The following ACO1 variants were observed in gnomAD, a reference collection of about 807,000 sequenced individuals.
ACO1 encodes the protein aconitase 1.
Under a neutral mutation model 105.1 loss-of-function variants are expected in ACO1, and 78 were observed. The ratio of observed to expected loss-of-function variants is 0.74; its 90% CI spans 0.62 to 0.90. The LOEUF (loss-of-function observed/expected upper bound fraction) is 0.90, where lower values mean the gene tolerates loss of function less well. ACO1 is among the 40% of genes least tolerant of loss of function. The probability of loss-of-function intolerance (pLI) is 0.00; values close to 1 mark genes in which losing one functional copy is unlikely to be tolerated. For missense variants in ACO1, 965 were observed against 1,111.1 expected (o/e 0.87, Z 1.87); for synonymous variants, 364 against 397.4 (o/e 0.92, Z 1.00).
At chr9:32,444,216 A>G (rs981122122) in intron 19 of ACO1, among the ~76,000 whole-genome samples, 1 of 152,168 alleles carries the variant, frequency 6.6e-6, no homozygotes, top group African/African-American at 2.4e-5. Context: ...AATCCAGTCT[A>G]TCAATCATTG....
rs61752944 is a variant in ACO1, at chr9:32,433,805, C to A, written c.1929C>A (p.Ile643=). The stretch of plus-strand genomic sequence containing the variant: ...TCTGGAATTCCAAATCTACGTATAT[C>A]AAATCACCACCATTCTTTGAAAACC... ...LFFWNSKSTY[I]KSPPFFENLT... Residue 643 remains isoleucine, a synonymous_variant, in exon 16 of 21, where the codon ATC becomes ATA. Transcript: ENST00000309951. 1.3e-3 allele frequency: 2,078 copies of A among 1,611,212 alleles called. 4 individuals are homozygous for A. The highest frequency in any genetic ancestry group is 1.7e-3 in the Non-Finnish European group (1,967 of 1,179,204).
At chr9:32,446,063 G>A (rs796216172) in intron 19 of ACO1, among the ~76,000 whole-genome samples, 46 of 152,316 alleles carry the variant, frequency 3.0e-4, no homozygotes, top group African/African-American at 1.0e-3. Flanking sequence ...GTGCAGTGTG[G>A]TGCTGAGAAG....
chr9:32,397,508 A>G (rs1429535182), intron 1 of ACO1, among the ~76,000 whole-genome samples: 1 of 152,242 alleles, frequency 6.6e-6, no homozygotes, highest in Non-Finnish European at 1.5e-5. Flanking sequence ...ATTGCTGGCC[A>G]TGATGATTCT....
intron 17 of ACO1, among the ~76,000 whole-genome samples, chr9:32,435,716 T>G (rs1473698509): frequency 6.6e-6 from 1 of 152,196 alleles, no homozygotes; most frequent in African/African-American, 2.4e-5. Context: ...TCGATTTTTC[T>G]CTCATGAAAG....
At position 32,431,300 on chromosome 9, in the gene ACO1, T is replaced by G. The variant is rs573922235; in HGVS notation, c.1727-419T>G. Among the ~76,000 whole-genome samples the G allele has an allele frequency of 1.7e-4, 26 of 152,328 alleles. 1 individual carries two copies. The highest frequency in any genetic ancestry group is 6.3e-4 in the African/African-American group (26 of 41,574). ...CGATATATAAGGATCCTTTTCTTGG[T>G]CTACGTAGTGCCATGCTTTTTGCAT... On this transcript the variant is annotated intron_variant, in intron 14 of 20. Transcript: ENST00000309951.
At chr9:32,436,068 C>A in intron 17 of ACO1, 182 bp from the exon 18 acceptor site, 1 of 774,546 alleles carries the variant, frequency 1.3e-6, no homozygotes, top group Non-Finnish European at 2.2e-6. Flanking sequence ...TCTCACCTCT[C>A]TCTCTTCTCC....
intron 4 of ACO1, among the ~76,000 whole-genome samples, chr9:32,413,100 G>T (rs140996112): frequency 2.7e-4 from 41 of 151,510 alleles, no homozygotes; most frequent in Non-Finnish European, 5.2e-4. Context: ...TTTACACCAT[G>T]TACTGAAAAC....
intron 19 of ACO1, among the ~76,000 whole-genome samples, chr9:32,448,039 A>C (rs1220847014): frequency 6.6e-6 from 1 of 152,078 alleles, no homozygotes; most frequent in Non-Finnish European, 1.5e-5. Flanking sequence ...CCACTTGAGG[A>C]GGCAATCTGG....
In ACO1 at chr9:32,436,289, A is replaced by C; in HGVS notation, c.2139A>C (p.Arg713=). The change falls in exon 18 of 21, where the codon CGA becomes CGC. Residue 713 remains arginine (R), a synonymous_variant. Coordinates refer to ENST00000309951, the MANE Select transcript of ACO1 (RefSeq NM_002197.3). ...AATTCAACTCCTATGGCTCCCGCCG[A>C]GGTAATGACGCCGTCATGGCACGGG... ...PREFNSYGSR[R]GNDAVMARGT... is the part of the protein sequence containing the mutation. 1 of 1,614,154 alleles carries C rather than the reference A, an allele frequency of 6.2e-7. No individual in the cohort carries two copies. Among genetic ancestry groups the C allele is most frequent in the Non-Finnish European group, 8.5e-7 (1 of 1,180,002 alleles).
chr9:32,393,936 C>G (rs1821318914), intron 1 of ACO1, among the ~76,000 whole-genome samples: 1 of 152,134 alleles, frequency 6.6e-6, no homozygotes, highest in Non-Finnish European at 1.5e-5. Context: ...GTCTATACCC[C>G]TACCGGAATG....
At position 32,431,717 on chromosome 9, in the gene ACO1, A is replaced by G; in HGVS notation, c.1727-2A>G. On this transcript the variant is annotated splice_acceptor_variant, in intron 14 of 20. Transcript: ENST00000309951. LOFTEE classifies it high-confidence loss of function. ...TCTCATTAATAAACATTTTTTCCCC[A>G]GGAGTAAATGCAAAGGGACAGCAGG... 4.3e-6 allele frequency: 7 copies of G among 1,613,602 alleles called. No individual in the cohort carries two copies. Among genetic ancestry groups the G allele is most frequent in the Non-Finnish European group, 5.9e-6 (7 of 1,179,830 alleles).
chr9:32,423,150 G>T (rs181027640), intron 8 of ACO1, among the ~76,000 whole-genome samples, 169 bp from the exon 9 acceptor site: 223 of 152,276 alleles, frequency 1.5e-3, no homozygotes, highest in Non-Finnish European at 2.6e-3. Context: ...ATCAGTGGGA[G>T]AGTCAAACCA....
intron 8 of ACO1, 29 bp downstream of exon 8, chr9:32,421,056 C>T: frequency 6.3e-7 from 1 of 1,599,350 alleles, no homozygotes. Flanking sequence ...AAGCATCGGG[C>T]TTTTTGTAAA....
intron 1 of ACO1, among the ~76,000 whole-genome samples, chr9:32,395,797 A>T (rs956085900): frequency 2.6e-5 from 4 of 152,212 alleles, no homozygotes; most frequent in African/African-American, 9.7e-5. Context: ...CTTTTTACGA[A>T]ACTCTGGTTA....
intron 1 of ACO1, among the ~76,000 whole-genome samples, chr9:32,390,307 T>C (rs1345654102): frequency 6.6e-6 from 1 of 152,256 alleles, no homozygotes; most frequent in Non-Finnish European, 1.5e-5. Flanking sequence ...CTTGCTGCGC[T>C]ATCCTGTTTC....
At chr9:32,428,499 CT>C (rs869310053) in intron 12 of ACO1, among the ~76,000 whole-genome samples, 19 of 146,838 alleles carry the variant, frequency 1.3e-4, no homozygotes, top group African/African-American at 2.0e-4. Context: ...AACTGGTTTG[CT>C]TTTTTTTTTA....
chr9:32,443,308 A>C (rs535266253), intron 19 of ACO1, among the ~76,000 whole-genome samples: 2 of 152,230 alleles, frequency 1.3e-5, no homozygotes, highest in Admixed American at 6.5e-5. Context: ...TTCAGTCTAG[A>C]AGATGTATGG....
At chr9:32,445,567 A>G (rs1198781210) in intron 19 of ACO1, 1 of 301,088 alleles carries the variant, frequency 3.3e-6, no homozygotes, top group Non-Finnish European at 6.8e-6. Context: ...CAGCTCCTGG[A>G]TTCATTGATT....
intron 1 of ACO1, among the ~76,000 whole-genome samples, chr9:32,401,184 TC>T (rs1821487622): frequency 6.6e-6 from 1 of 151,496 alleles, no homozygotes; most frequent in Non-Finnish European, 1.5e-5. Flanking sequence ...AAGTTGTTTT[TC>T]CAAAGTTTAG....
Sources: gnomAD v4.1 joint callset for allele counts (sites outside exome capture counted in the v4.1 genomes callset) on GRCh38, gnomAD v4.1.1 for gene constraint, MANE v1.5 for transcripts, NCBI Gene and HGNC (gene_info 2026-07-23, HGNC 2026-07-21) for gene names.